NEGR1: variants seen among roughly 807,000 people sequenced by gnomAD.
NEGR1 encodes the protein neuronal growth regulator 1, also known as IgLON family member 4.
NEGR1 carries 10 observed loss-of-function variants against 40.9 expected under a neutral mutation model. The observed-to-expected ratio is 0.24, with a 90% confidence interval of 0.15 to 0.42. The LOEUF (loss-of-function observed/expected upper bound fraction) is 0.42, where lower values mean the gene tolerates loss of function less well. Among genes scored for constraint, NEGR1 ranks in the 10% least tolerant of loss-of-function variants. The probability of loss-of-function intolerance (pLI) is 1.00; values close to 1 mark genes in which losing one functional copy is unlikely to be tolerated. For synonymous variants in NEGR1, 185 were observed against 166.8 expected (o/e 1.11, Z -0.84); for missense variants, 352 against 438.9 (o/e 0.80, Z 1.77).
At chr1:71,599,957 A>G (rs536075637) in intron 5 of NEGR1, among the ~76,000 whole-genome samples, 46 of 152,046 alleles carry the variant, frequency 3.0e-4, no homozygotes, top group Non-Finnish European at 5.4e-4. Flanking sequence ...CACTTGAACT[A>G]TTTTTCTAAT....
chr1:71,730,577 A>ATATAT (rs1358563730), intron 3 of NEGR1, among the ~76,000 whole-genome samples: 1 of 146,092 alleles, frequency 6.8e-6, no homozygotes, highest in Non-Finnish European at 1.5e-5. Context: ...ATTTATATAT[A>ATATAT]TATATATATA....
chr1:72,131,961 T>C (rs1233206898), intron 1 of NEGR1, among the ~76,000 whole-genome samples: 2 of 152,006 alleles, frequency 1.3e-5, no homozygotes, highest in Admixed American at 6.6e-5. Flanking sequence ...TAGCCAGGCG[T>C]GGTAGCACAT....
chr1:71,667,794 G>A (rs1652291636), intron 4 of NEGR1, among the ~76,000 whole-genome samples: 1 of 152,232 alleles, frequency 6.6e-6, no homozygotes, highest in African/African-American at 2.4e-5. Context: ...TTGTGAGTGT[G>A]GGCAAGCTAT....
chr1:72,060,899 C>T (rs915669691), intron 1 of NEGR1, among the ~76,000 whole-genome samples: 1 of 150,952 alleles, frequency 6.6e-6, no homozygotes, highest in Admixed American at 6.6e-5. Flanking sequence ...ATTTTTTTTT[C>T]CCTCAGCAAC....
intron 5 of NEGR1, among the ~76,000 whole-genome samples, chr1:71,609,404 A>G (rs1188627066): frequency 6.6e-6 from 1 of 151,080 alleles, no homozygotes; most frequent in African/African-American, 2.4e-5. Context: ...AGTCCCAGCT[A>G]CTTGGGAGGC....
intron 2 of NEGR1, among the ~76,000 whole-genome samples, chr1:71,930,257 T>C (rs1041967147): frequency 6.6e-6 from 1 of 152,154 alleles, no homozygotes; most frequent in African/African-American, 2.4e-5. Flanking sequence ...TCCTTATACC[T>C]CACCGTGATG....
rs5775066 is a variant in NEGR1, at chr1:71,485,225, A to ATT, written c.941-77657_941-77656dup. ...TCTTATGCTCCTCTCCTTTGGCCTT[A>ATT]TTTTTTTTTATCATAAAACTTTATT... On this transcript the variant is annotated intron_variant, in intron 6 of 6. Coordinates refer to ENST00000357731, the MANE Select transcript of NEGR1 (RefSeq NM_173808.3). 1.3e-3 allele frequency among the ~76,000 whole-genome samples: 200 copies of ATT among 149,668 alleles called. 3 individuals are homozygous for ATT. Among genetic ancestry groups the ATT allele is most frequent in the East Asian group, 4.7e-3 (24 of 5,086 alleles).
intron 6 of NEGR1, among the ~76,000 whole-genome samples, chr1:71,554,210 G>T (rs561376269): frequency 6.6e-6 from 1 of 151,442 alleles, no homozygotes; most frequent in South Asian, 2.1e-4. Flanking sequence ...ATAGAACATT[G>T]ATTGTTTTTC....
At chr1:71,679,238 T>G (rs938395675) in intron 4 of NEGR1, among the ~76,000 whole-genome samples, 1 of 152,176 alleles carries the variant, frequency 6.6e-6, no homozygotes, top group Non-Finnish European at 1.5e-5. Flanking sequence ...TGCTTTTTCA[T>G]GTTAATTTTA....
At chr1:71,837,681 C>A (rs1345405579) in intron 2 of NEGR1, among the ~76,000 whole-genome samples, 2 of 151,982 alleles carry the variant, frequency 1.3e-5, no homozygotes, top group African/African-American at 2.4e-5. Context: ...ATGAAATGTT[C>A]TTTTAATATT....
chr1:71,461,857 T>C (rs1236579992), intron 6 of NEGR1: 1 of 152,192 alleles, frequency 6.6e-6, no homozygotes, highest in Non-Finnish European at 1.5e-5. Flanking sequence ...GGCATTGTTA[T>C]AAAGGCTTTG....
chr1:71,520,518 A>G lies in NEGR1; in HGVS notation c.940+72299T>C, dbSNP rs556278245. Among the ~76,000 whole-genome samples, 11 of 152,212 alleles carry G rather than the reference A, an allele frequency of 7.2e-5. No homozygotes were observed. The East Asian group carries it at 2.1e-3, about 30-fold the overall frequency. ...TCTCAATGATTCCCACTGGCAGGTT[A>G]TGGACTAATATATACATTCTTTAAT... On this transcript the variant is annotated intron_variant, in intron 6 of 6. Coordinates refer to ENST00000357731, the MANE Select transcript of NEGR1 (RefSeq NM_173808.3).
chr1:71,933,162 C>T (rs1445599173), intron 2 of NEGR1, among the ~76,000 whole-genome samples: 2 of 151,896 alleles, frequency 1.3e-5, no homozygotes, highest in African/African-American at 2.4e-5. Context: ...AGTTCACCAT[C>T]GTCTAATGAC....
chr1:71,421,704 A>C (rs961043863), intron 6 of NEGR1, among the ~76,000 whole-genome samples: 1 of 152,102 alleles, frequency 6.6e-6, no homozygotes, highest in East Asian at 1.9e-4. Flanking sequence ...GTTTGTTTAC[A>C]TGTAAGACTT....
At chr1:71,475,993 T>C (rs368723560) in intron 6 of NEGR1, among the ~76,000 whole-genome samples, 2 of 152,068 alleles carry the variant, frequency 1.3e-5, no homozygotes, top group East Asian at 1.9e-4. Context: ...TGTTTGGAGT[T>C]TATAAACTTG....
At chr1:71,930,879 C>T (rs1003837191) in intron 2 of NEGR1, among the ~76,000 whole-genome samples, 5 of 152,110 alleles carry the variant, frequency 3.3e-5, no homozygotes, top group Non-Finnish European at 7.4e-5. Context: ...CCTAAAATGG[C>T]CCATCAAAGC....
chr1:71,912,840 T>G (rs1398046356), intron 2 of NEGR1, among the ~76,000 whole-genome samples: 1 of 152,184 alleles, frequency 6.6e-6, no homozygotes, highest in African/African-American at 2.4e-5. Flanking sequence ...CATGTATATA[T>G]GTATTTATGT....
intron 1 of NEGR1, among the ~76,000 whole-genome samples, chr1:72,122,668 A>C (rs1649848164): frequency 6.6e-6 from 1 of 151,950 alleles, no homozygotes; most frequent in Non-Finnish European, 1.5e-5. Flanking sequence ...AAATATCAGC[A>C]TGTCATAAAA....
chr1:72,043,316 C>A (rs1228899161), intron 1 of NEGR1, among the ~76,000 whole-genome samples: 2 of 151,862 alleles, frequency 1.3e-5, no homozygotes, highest in African/African-American at 4.8e-5. Context: ...TTTATCAAGT[C>A]TTTTCTGTTT....
Sources: allele counts gnomAD v4.1 joint callset (sites outside exome capture counted in the v4.1 genomes callset), GRCh38; gene constraint gnomAD v4.1.1; transcripts MANE v1.5; gene names NCBI Gene and HGNC (gene_info 2026-07-23, HGNC 2026-07-21).